MBTPS1: variants seen among roughly 807,000 people sequenced by gnomAD.
MBTPS1 encodes membrane-bound transcription factor site-1 protease.
In MBTPS1, 94 loss-of-function variants were observed where a neutral mutation model predicts 127.8. The ratio of observed to expected loss-of-function variants is 0.74; its 90% CI spans 0.62 to 0.87. The LOEUF (loss-of-function observed/expected upper bound fraction) is 0.87, where lower values mean the gene tolerates loss of function less well. MBTPS1 is among the 40% of genes least tolerant of loss of function. The pLI, the probability that MBTPS1 is intolerant of heterozygous loss-of-function variation, is 0.00. For missense variants in MBTPS1, 1,636 were observed against 1,353.2 expected (o/e 1.21, Z -3.28); for synonymous variants, 632 against 509.4 (o/e 1.24, Z -3.24).
At position 84,085,150 on chromosome 16, in the gene MBTPS1, G is replaced by C. The variant is rs999500945; in HGVS notation, c.1135-16C>G. On this transcript the variant is annotated splice_polypyrimidine_tract_variant and intron_variant, in intron 9 of 22. Coordinates refer to ENST00000343411, the MANE Select transcript of MBTPS1 (RefSeq NM_003791.4). ...CTGGTAGCTCCTATGAATAAAAGCA[G>C]CTTGGTTGCTACATCTCGCACATTG... is the stretch of plus-strand genomic sequence containing the variant. The C allele has an allele frequency of 1.9e-6, 3 of 1,613,292 alleles. No homozygotes were observed. Among genetic ancestry groups the C allele is most frequent in the Middle Eastern group, 1.7e-4 (1 of 6,058 alleles).
intron 1 of MBTPS1, among the ~76,000 whole-genome samples, chr16:84,109,768 G>C (rs1597356347): frequency 6.6e-6 from 1 of 152,232 alleles, no homozygotes. Context: ...TCCATCTGCT[G>C]TAACAGGCAC....
At chr16:84,082,017 A>C in intron 10 of MBTPS1, 109 bp from the exon 11 acceptor site, 1 of 685,820 alleles carries the variant, frequency 1.5e-6, no homozygotes, top group East Asian at 3.4e-5. Flanking sequence ...AGTCTTGTTT[A>C]GTATCCAACA....
At chr16:84,072,325 G>C (rs144488052) in intron 12 of MBTPS1, among the ~76,000 whole-genome samples, 1 of 152,088 alleles carries the variant, frequency 6.6e-6, no homozygotes, top group Non-Finnish European at 1.5e-5. Context: ...GGAAGAAGGA[G>C]TGGCTGATAA....
chr16:84,055,449 C>G (rs1447435841), intron 22 of MBTPS1, among the ~76,000 whole-genome samples: 1 of 152,236 alleles, frequency 6.6e-6, no homozygotes, highest in Admixed American at 6.5e-5. Flanking sequence ...TACCAATTGC[C>G]TTGGGTAGTG....
At chr16:84,087,260 G>T in intron 9 of MBTPS1, 98 bp downstream of exon 9, 1 of 869,370 alleles carries the variant, frequency 1.2e-6, no homozygotes, top group Non-Finnish European at 1.9e-6. Context: ...GGGTGTCTGT[G>T]CACTTACAAA....
At chr16:84,088,716 G>C (rs2086063768) in intron 8 of MBTPS1, among the ~76,000 whole-genome samples, 1 of 152,192 alleles carries the variant, frequency 6.6e-6, no homozygotes, top group African/African-American at 2.4e-5. Context: ...CACAGCAAAG[G>C]GGACCGGAGG....
chr16:84,081,799 G>C lies in MBTPS1; in HGVS notation c.1396C>G (p.Leu466Val), dbSNP rs373075366. ...ATCTGATAGGCTCTGAGCAGATCGAGCTTGCCGTGGCCTTGCTCAAACATG... is the reference window on the plus strand; with the variant it reads ...ATCTGATAGGCTCTGAGCAGATCGACCTTGCCGTGGCCTTGCTCAAACATG... ...VNMFEQGHGK[L>V]DLLRAYQILN... The change falls in exon 11 of 23, where the codon CTC becomes GTC. Residue 466 changes from leucine (L) to valine (V), a missense_variant. Physicochemically the swap from Leu to Val is conservative, Grantham distance 32. Coordinates refer to ENST00000343411, the MANE Select transcript of MBTPS1 (RefSeq NM_003791.4). The C allele has an allele frequency of 5.0e-5, 77 of 1,525,876 alleles. No homozygotes were observed. Among genetic ancestry groups the C allele is most frequent in the Non-Finnish European group, 6.6e-5 (75 of 1,134,796 alleles). The allele number at this position is 1,525,876 out of a possible 1,614,324, so 94.5% of individuals were successfully genotyped here.
chr16:84,101,836 T>C lies in MBTPS1; in HGVS notation c.-53A>G. 1 of 1,535,756 alleles carries C rather than the reference T, an allele frequency of 6.5e-7. No individual in the cohort carries two copies. Among genetic ancestry groups the C allele is most frequent in the Non-Finnish European group, 8.9e-7 (1 of 1,124,058 alleles). Reference sequence around the variant, plus strand: ...TGCATATATTCAAATCACACTTTTTTCTTCTTGATTAAAAGTGAATTTTTG... The same window carrying C: ...TGCATATATTCAAATCACACTTTTTCCTTCTTGATTAAAAGTGAATTTTTG... On this transcript the variant is annotated 5_prime_UTR_variant, in exon 2 of 23. Coordinates refer to ENST00000343411, the MANE Select transcript of MBTPS1 (RefSeq NM_003791.4).
chr16:84,099,179 T>C lies in MBTPS1; in HGVS notation c.295A>G (p.Ser99Gly), dbSNP rs1317808353. 2 of 1,614,164 alleles carry C rather than the reference T, an allele frequency of 1.2e-6. No individual in the cohort carries two copies. Among genetic ancestry groups the C allele is most frequent in the South Asian group, 1.1e-5 (1 of 91,080 alleles). ...TTTATCTGAATCACCTCAAAATCAC[T>C]AGGGTAGTCACTGGATGGATTGTTT... is the stretch of plus-strand genomic sequence containing the variant. Reference protein sequence around the residue: ...PRNNPSSDYPSDFEVIQIKEK... With the variant: ...PRNNPSSDYPGDFEVIQIKEK... The change falls in exon 3 of 23, where the codon AGT becomes GGT. Residue 99 changes from serine to glycine, a missense_variant. Coordinates refer to ENST00000343411, the MANE Select transcript of MBTPS1 (RefSeq NM_003791.4).
chr16:84,071,437 T>C (rs1192515585), intron 12 of MBTPS1, among the ~76,000 whole-genome samples: 1 of 152,064 alleles, frequency 6.6e-6, no homozygotes, highest in Non-Finnish European at 1.5e-5. Context: ...AGTAAGCCAG[T>C]GGGTTAAGAA....
At chr16:84,106,096 A>T (rs1250368574) in intron 1 of MBTPS1, among the ~76,000 whole-genome samples, 2 of 152,154 alleles carry the variant, frequency 1.3e-5, no homozygotes, top group Non-Finnish European at 2.9e-5. Context: ...GGAATTCGAG[A>T]CCATCCTGGC....
chr16:84,070,872 C>A, intron 12 of MBTPS1, 96 bp from the exon 13 acceptor site: 1 of 946,456 alleles, frequency 1.1e-6, no homozygotes. Context: ...AAAACTGGTT[C>A]CGAGAAATAC....
intron 19 of MBTPS1, 80 bp downstream of exon 19, chr16:84,063,225 C>T (rs374397087): frequency 6.7e-7 from 1 of 1,484,078 alleles, no homozygotes; most frequent in South Asian, 1.2e-5. Context: ...CTGCCAGCAT[C>T]TCACGGGCGC....
chr16:84,114,638 T>C, intron 1 of MBTPS1, among the ~76,000 whole-genome samples: 1 of 151,732 alleles, frequency 6.6e-6, no homozygotes, highest in Non-Finnish European at 1.5e-5. Flanking sequence ...GAAACCAGCC[T>C]GACCAACATG....
At chr16:84,055,920 G>C in intron 22 of MBTPS1, 85 bp downstream of exon 22, 1 of 1,413,224 alleles carries the variant, frequency 7.1e-7, no homozygotes, top group Non-Finnish European at 9.5e-7. Context: ...GGGAGAGTCT[G>C]GCCCGCCTCC....
intron 14 of MBTPS1, 148 bp downstream of exon 14, chr16:84,069,718 G>T: frequency 2.8e-6 from 2 of 721,002 alleles, no homozygotes; most frequent in Non-Finnish European, 4.6e-6. Context: ...TGCCCTAAGT[G>T]CATGGCAAAA....
chr16:84,066,674 T>C (rs111738111), intron 16 of MBTPS1, 61 bp from the exon 17 acceptor site: 18,261 of 1,518,960 alleles, frequency 0.012, 151 homozygotes, highest in Non-Finnish European at 0.014. Flanking sequence ...TACACAGTTA[T>C]TTAGTCTCTG....
rs1294222120 is a variant in MBTPS1, at chr16:84,066,590, C to G, written c.2252G>C (p.Gly751Ala). The change falls in exon 17 of 23, where the codon GGA (glycine) becomes GCA (alanine). Residue 751 changes from glycine to alanine, a missense_variant. By Grantham distance (60) the Gly-to-Ala change is moderately conservative. Transcript: ENST00000343411. ...ATTCAGAGCTGGGATGTTAGCTCCT[C>G]CGGTATCCGGCATCCACCACTGCCT... ...NTRQWWMPDT[G>A]GANIPALNEL... 1 of 1,614,130 alleles carries G rather than the reference C, an allele frequency of 6.2e-7. No individual in the cohort carries two copies. The highest frequency in any genetic ancestry group is 8.5e-7 in the Non-Finnish European group (1 of 1,179,984).
In MBTPS1 at chr16:84,067,712, T is replaced by G; in HGVS notation, c.2183A>C (p.Asn728Thr). The G allele has an allele frequency of 1.9e-6, 3 of 1,614,084 alleles. No individual in the cohort carries two copies. Among genetic ancestry groups the G allele is most frequent in the Non-Finnish European group, 2.5e-6 (3 of 1,179,912 alleles). Residue 728 changes from asparagine to threonine, a missense_variant, in exon 16 of 23, where the codon AAC (asparagine) becomes ACC (threonine). Transcript: ENST00000343411. ...LSLVIFSDWY[N>T]TSVMRKVKFY... ...CTTCACTTTTCTCATAACAGAAGTG[T>G]TGTACCAGTCACTGAAGATGACGAG...
Sources: gnomAD v4.1 joint callset for allele counts (sites outside exome capture counted in the v4.1 genomes callset) on GRCh38, gnomAD v4.1.1 for gene constraint, MANE v1.5 for transcripts, NCBI Gene and HGNC (gene_info 2026-07-23, HGNC 2026-07-21) for gene names.